The following WNK1 variants were observed in gnomAD, a reference collection of about 807,000 sequenced individuals.
The protein encoded by WNK1 is serine/threonine-protein kinase WNK1.
WNK1 carries 38 observed loss-of-function variants against 222.8 expected under a neutral mutation model. The ratio of observed to expected loss-of-function variants is 0.17; its 90% CI spans 0.13 to 0.22. The LOEUF (loss-of-function observed/expected upper bound fraction) is 0.22. Among genes scored for constraint, WNK1 ranks in the 10% least tolerant of loss-of-function variants. The pLI, the probability that WNK1 is intolerant of heterozygous loss-of-function variation, is 1.00. For missense variants in WNK1, 2,348 were observed against 2,918.4 expected (o/e 0.80, Z 4.50); for synonymous variants, 1,090 against 1,092.9 (o/e 1.00, Z 0.05).
chr12:765,947 A>G (rs1941642969), intron 1 of WNK1, among the ~76,000 whole-genome samples: 1 of 152,204 alleles, frequency 6.6e-6, no homozygotes, highest in South Asian at 2.1e-4. Flanking sequence ...AAAGGATGTT[A>G]TCACATACAT....
At chr12:839,484 GAA>G (rs1213876968) in intron 4 of WNK1, among the ~76,000 whole-genome samples, 2 of 152,162 alleles carry the variant, frequency 1.3e-5, no homozygotes, top group Non-Finnish European at 2.9e-5. Flanking sequence ...TTGTAAGAGA[GAA>G]GGCCAAAGTG....
chr12:859,515 T>C lies in WNK1; in HGVS notation c.1620+51T>C, dbSNP rs1346660368. On this transcript the variant is annotated intron_variant, in intron 6 of 27. Coordinates refer to ENST00000315939, the MANE Select transcript of WNK1 (RefSeq NM_018979.4). The stretch of plus-strand genomic sequence containing the variant: ...ATTGATTTAGACTTATATATATCAA[T>C]ACTATCATTAAGCAAAAAAGCAGTT... 3 of 1,430,532 alleles carry C rather than the reference T, an allele frequency of 2.1e-6. No individual in the cohort carries two copies. In the African/African-American group the frequency reaches 4.3e-5, roughly 20 times the overall value. The allele number at this position is 1,430,532 out of a possible 1,614,324, so 88.6% of individuals were successfully genotyped here.
At chr12:821,823 C>T (rs1216336857) in intron 2 of WNK1, among the ~76,000 whole-genome samples, 1 of 151,962 alleles carries the variant, frequency 6.6e-6, no homozygotes, top group East Asian at 1.9e-4. Flanking sequence ...CTTATTTTGC[C>T]TGATATTAGT....
chr12:899,649 C>T (rs939534747), intron 25 of WNK1, among the ~76,000 whole-genome samples: 2 of 152,064 alleles, frequency 1.3e-5, no homozygotes, highest in Non-Finnish European at 2.9e-5. Context: ...CAACTGGGAA[C>T]CGGGGAGCAG....
chr12:866,326 G>A (rs567536570), intron 8 of WNK1, among the ~76,000 whole-genome samples: 138 of 152,248 alleles, frequency 9.1e-4, no homozygotes, highest in Non-Finnish European at 1.2e-3. Context: ...TTTAAAAAGC[G>A]GGGGAGGCTG....
intron 17 of WNK1, 128 bp from the exon 18 acceptor site, chr12:883,993 A>G (rs1255198603): frequency 6.6e-7 from 1 of 1,512,172 alleles, no homozygotes; most frequent in African/African-American, 1.4e-5. Flanking sequence ...GCGCCACTGC[A>G]CTCCAGCCTG....
At chr12:822,777 G>A (rs1225541661) in intron 2 of WNK1, among the ~76,000 whole-genome samples, 1 of 152,086 alleles carries the variant, frequency 6.6e-6, no homozygotes, top group Non-Finnish European at 1.5e-5. Context: ...AATCATGTAG[G>A]AAATAAAAGG....
intron 2 of WNK1, among the ~76,000 whole-genome samples, chr12:820,867 CTG>C (rs1222945387): frequency 1.3e-5 from 2 of 152,002 alleles, no homozygotes; most frequent in African/African-American, 2.4e-5. Context: ...TCTTGTCTAA[CTG>C]TTTTGGCTAG....
intron 1 of WNK1, among the ~76,000 whole-genome samples, chr12:754,971 A>G (rs1939777591): frequency 6.6e-6 from 1 of 152,230 alleles, no homozygotes; most frequent in Non-Finnish European, 1.5e-5. Context: ...ATAGGAGCCC[A>G]TGCAAAATTG....
chr12:859,447 G>T lies in WNK1; in HGVS notation c.1603G>T (p.Asp535Tyr), dbSNP rs763675447. ...SFDLERDVPE[D>Y]VAQEMVESGY... ...TGATTTAGAGAGAGATGTCCCAGAA[G>T]ATGTTGCACAAGAAATGGTAAATTG... is the stretch of plus-strand genomic sequence containing the variant. The change falls in exon 6 of 28, where the codon GAT (aspartate) becomes TAT (tyrosine). Residue 535 changes from aspartate (D) to tyrosine (Y), a missense_variant. This residue lies in a region of WNK1 where 103 missense variants were observed against 111.5 expected (regional missense o/e 0.92). Transcript: ENST00000315939. The T allele has an allele frequency of 3.1e-6, 5 of 1,611,466 alleles. No individual in the cohort carries two copies. The highest frequency in any genetic ancestry group is 1.1e-5 in the South Asian group (1 of 90,838).
At chr12:866,647 AC>A (rs1170886476) in intron 8 of WNK1, among the ~76,000 whole-genome samples, 1 of 152,094 alleles carries the variant, frequency 6.6e-6, no homozygotes, top group East Asian at 1.9e-4. Context: ...GGCGTGAGCC[AC>A]CGCGCCCAGC....
chr12:864,123 T>TTTTTTTTTTTC (rs71051398), intron 8 of WNK1, among the ~76,000 whole-genome samples: 31 of 147,290 alleles, frequency 2.1e-4, no homozygotes, highest in Middle Eastern at 3.5e-3. Flanking sequence ...TTTTTTTTTT[T>TTTTTTTTTTTC]TTTTGACAGC....
At chr12:758,548 C>CCT (rs1565385849) in intron 1 of WNK1, among the ~76,000 whole-genome samples, 4 of 142,250 alleles carry the variant, frequency 2.8e-5, no homozygotes, top group African/African-American at 9.9e-5. Flanking sequence ...CCACCGTGCC[C>CCT]GGCTAATTTT....
At chr12:868,140 C>T in intron 8 of WNK1, 1 of 1,614,052 alleles carries the variant, frequency 6.2e-7, no homozygotes, top group Non-Finnish European at 8.5e-7. Flanking sequence ...TTGGGTACTA[C>T]AGCCAGTAGA....
intron 1 of WNK1, among the ~76,000 whole-genome samples, chr12:766,651 G>GT (rs1258405616): frequency 1.3e-5 from 2 of 151,714 alleles, no homozygotes; most frequent in Admixed American, 6.6e-5. Context: ...GCTAATTTTT[G>GT]TTTTTTTAGT....
intron 26 of WNK1, among the ~76,000 whole-genome samples, chr12:905,453 C>T (rs139512115): frequency 2.0e-5 from 3 of 152,150 alleles, no homozygotes; most frequent in African/African-American, 4.8e-5. Flanking sequence ...GCATCAGGGG[C>T]GACAGACTAG....
intron 4 of WNK1, among the ~76,000 whole-genome samples, chr12:830,942 G>C (rs1948743807): frequency 6.6e-6 from 1 of 152,096 alleles, no homozygotes; most frequent in South Asian, 2.1e-4. Flanking sequence ...TCTTAATCTA[G>C]AACTATTGCT....
chr12:808,312 CGG>C (rs1257742555), intron 1 of WNK1, among the ~76,000 whole-genome samples: 11 of 151,202 alleles, frequency 7.3e-5, no homozygotes, highest in Admixed American at 1.3e-4. Context: ...CTTTTGGAGA[CGG>C]GGTTTTGCTA....
chr12:865,958 G>A (rs1245420550), intron 8 of WNK1, among the ~76,000 whole-genome samples: 1 of 152,146 alleles, frequency 6.6e-6, no homozygotes. Context: ...AGGTGGGACT[G>A]TAGCTCTAAT....
Sources: gnomAD v4.1 joint callset for allele counts (sites outside exome capture counted in the v4.1 genomes callset) on GRCh38, gnomAD v4.1.1 for gene constraint, gnomAD v4.1.1 regional missense constraint, MANE v1.5 for transcripts, NCBI Gene and HGNC (gene_info 2026-07-23, HGNC 2026-07-21) for gene names.